Variants in NKAIN3 observed in about 807,000 individuals in gnomAD.
NKAIN3 encodes the protein sodium/potassium transporting ATPase interacting 3.
NKAIN3 carries 25 observed loss-of-function variants against 30.2 expected under a neutral mutation model. The ratio of observed to expected loss-of-function variants is 0.83; its 90% confidence interval spans 0.60 to 1.16. The LOEUF (loss-of-function observed/expected upper bound fraction) is 1.16. Among genes scored for constraint, NKAIN3 ranks in the 50% most tolerant of loss-of-function variants. The probability of loss-of-function intolerance (pLI) is 0.00; values close to 1 mark genes in which losing one functional copy is unlikely to be tolerated. For synonymous variants in NKAIN3, 91 were observed against 89.6 expected, an observed-to-expected ratio of 1.02 and a Z score of -0.09; for missense variants, 225 against 254.1, an observed-to-expected ratio of 0.89 and a Z score of 0.78.
chr8:62,573,150 T>C (rs142856667), intron 1 of NKAIN3, among the ~76,000 whole-genome samples: 31 of 152,260 alleles, frequency 2.0e-4, no homozygotes, highest in Non-Finnish European at 3.7e-4. Context: ...TATAGACACA[T>C]AACATTCAGC....
intron 3 of NKAIN3, among the ~76,000 whole-genome samples, chr8:62,615,510 C>T (rs1267324702): frequency 6.6e-6 from 1 of 152,130 alleles, no homozygotes; most frequent in Non-Finnish European, 1.5e-5. Flanking sequence ...ACCCCTCGGT[C>T]CACTGTCTCT....
chr8:62,579,666 A>T lies in NKAIN3; in HGVS notation c.182A>T (p.Tyr61Phe). 6 of 1,497,980 alleles carry T rather than the reference A, an allele frequency of 4.0e-6. No homozygotes were observed. Among genetic ancestry groups the T allele is most frequent in the Non-Finnish European group, 5.4e-6 (6 of 1,119,932 alleles). The allele number at this position is 1,497,980 out of a possible 1,614,324, so 92.8% of individuals were successfully genotyped here. Residue 61 changes from tyrosine (Y) to phenylalanine (F), a missense_variant, in exon 2 of 7, where the codon TAC becomes TTC. Coordinates refer to ENST00000623646, the MANE Select transcript of NKAIN3 (RefSeq NM_001304533.3). ...LFGTIQYRPR[Y>F]IMVYTVWTAL... is the part of the protein sequence containing the mutation. ...GGGACCATTCAGTACAGACCTCGAT[A>T]CATAATGGTGGTAAGTCTTATTTTT...
intron 4 of NKAIN3, among the ~76,000 whole-genome samples, chr8:62,845,112 G>T (rs974727223): frequency 6.6e-6 from 1 of 151,424 alleles, no homozygotes; most frequent in Admixed American, 6.6e-5. Flanking sequence ...ATAAAAAAAA[G>T]GAATATTAGA....
intron 4 of NKAIN3, among the ~76,000 whole-genome samples, chr8:62,779,897 A>G (rs1817304123): frequency 6.6e-6 from 1 of 152,136 alleles, no homozygotes; most frequent in Admixed American, 6.5e-5. Context: ...TCAAGAACCT[A>G]GGAAAAAAAG....
chr8:62,607,105 A>G (rs955610247), intron 3 of NKAIN3, among the ~76,000 whole-genome samples: 1 of 152,200 alleles, frequency 6.6e-6, no homozygotes, highest in Non-Finnish European at 1.5e-5. Context: ...TTAGCCATAC[A>G]GGGAGACACC....
chr8:62,534,396 G>A (rs1300445874), intron 1 of NKAIN3, among the ~76,000 whole-genome samples: 1 of 152,082 alleles, frequency 6.6e-6, no homozygotes, highest in African/African-American at 2.4e-5. Context: ...ACCTTCTCTC[G>A]CAGTGCTGAT....
intron 4 of NKAIN3, among the ~76,000 whole-genome samples, chr8:62,819,515 T>G (rs899876620): frequency 6.6e-6 from 1 of 152,130 alleles, no homozygotes; most frequent in South Asian, 2.1e-4. Flanking sequence ...TTTAATTTAT[T>G]CTGAGTCATA....
intron 4 of NKAIN3, among the ~76,000 whole-genome samples, chr8:62,817,618 G>A (rs1225555828): frequency 1.3e-5 from 2 of 151,984 alleles, no homozygotes; most frequent in Non-Finnish European, 2.9e-5. Context: ...CAGTTCTATG[G>A]GGATGAATGC....
At chr8:62,926,757 AT>A in intron 5 of NKAIN3, among the ~76,000 whole-genome samples, 1 of 152,198 alleles carries the variant, frequency 6.6e-6, no homozygotes, top group East Asian at 1.9e-4. Flanking sequence ...AGTGGGAATG[AT>A]TTCCTCAAGT....
intron 3 of NKAIN3, among the ~76,000 whole-genome samples, chr8:62,623,789 A>G (rs1811699364): frequency 6.6e-6 from 1 of 152,078 alleles, no homozygotes; most frequent in Non-Finnish European, 1.5e-5. Context: ...GGATCTTTGG[A>G]GCTCACACAA....
rs574476395 is a variant in NKAIN3, at chr8:62,858,042, G to GTTA, written c.472-60409_472-60408insATT. Among the ~76,000 whole-genome samples the GTTA allele has an allele frequency of 1.8e-3, 271 of 151,174 alleles. 1 individual carries two copies. In the Middle Eastern group the frequency reaches 0.02, roughly 11 times the overall value. On this transcript the variant is annotated intron_variant, in intron 4 of 6. Coordinates refer to ENST00000623646, the MANE Select transcript of NKAIN3 (RefSeq NM_001304533.3). ...GTTCTCACAGGGATTTTTTCTTGTTGTTGTTGTTTTCTGTGTTTTTTTTGT... is the reference window on the plus strand; with the variant it reads ...GTTCTCACAGGGATTTTTTCTTGTTGTTATTGTTGTTTTCTGTGTTTTTTTTGT...
chr8:62,765,246 C>CAAAAAAAAAAAAAAA (rs34477671), intron 4 of NKAIN3, among the ~76,000 whole-genome samples: 2 of 42,480 alleles, frequency 4.7e-5, no homozygotes, highest in Admixed American at 3.2e-4. Flanking sequence ...GACTCCATCT[C>CAAAAAAAAAAAAAAA]AAAAAAAAAA....
At chr8:62,409,312 G>A (rs1450497957) in intron 1 of NKAIN3, among the ~76,000 whole-genome samples, 2 of 152,142 alleles carry the variant, frequency 1.3e-5, no homozygotes, top group East Asian at 1.9e-4. Context: ...AGCCTGCCAA[G>A]TAGCTGGGAT....
At chr8:62,851,004 T>C (rs1819877540) in intron 4 of NKAIN3, among the ~76,000 whole-genome samples, 2 of 152,104 alleles carry the variant, frequency 1.3e-5, no homozygotes, top group African/African-American at 2.4e-5. Context: ...AAGTCATTGG[T>C]AGCTTGATGG....
chr8:62,470,319 C>A (rs888030582), intron 1 of NKAIN3, among the ~76,000 whole-genome samples: 1 of 152,152 alleles, frequency 6.6e-6, no homozygotes, highest in Non-Finnish European at 1.5e-5. Context: ...CTTTTTAGAA[C>A]TAACTTGATA....
chr8:62,750,645 G>C (rs1486313364), intron 4 of NKAIN3, among the ~76,000 whole-genome samples: 1 of 152,132 alleles, frequency 6.6e-6, no homozygotes, highest in African/African-American at 2.4e-5. Context: ...GAACGACAGG[G>C]AGAGTGCTAG....
chr8:62,803,311 A>AT (rs943506194), intron 4 of NKAIN3, among the ~76,000 whole-genome samples: 1 of 152,136 alleles, frequency 6.6e-6, no homozygotes, highest in East Asian at 1.9e-4. Flanking sequence ...CAGAATATAC[A>AT]TTTTTTTCAG....
chr8:62,910,034 T>A lies in NKAIN3; in HGVS notation c.472-8419T>A, dbSNP rs533985230. Among the ~76,000 whole-genome samples, 4 of 152,260 alleles carry A rather than the reference T, an allele frequency of 2.6e-5. No individual in the cohort carries two copies. The South Asian group carries it at 8.3e-4, about 32-fold the overall frequency. On this transcript the variant is annotated intron_variant, in intron 4 of 6. Coordinates refer to ENST00000623646, the MANE Select transcript of NKAIN3 (RefSeq NM_001304533.3). ...TCTTTTAAAACTGTGCATTCCTACA[T>A]TTATCAGTAAGAAAATATTCACTGG...
intron 5 of NKAIN3, among the ~76,000 whole-genome samples, chr8:62,953,234 A>G (rs1339077301): frequency 6.6e-6 from 1 of 152,222 alleles, no homozygotes; most frequent in East Asian, 1.9e-4. Context: ...CTTGGTTTAA[A>G]GTAATTAGTA....
Sources: gnomAD v4.1 joint callset for allele counts (sites outside exome capture counted in the v4.1 genomes callset) on GRCh38, gnomAD v4.1.1 for gene constraint, MANE v1.5 for transcripts, NCBI Gene and HGNC (gene_info 2026-07-23, HGNC 2026-07-21) for gene names.